MMP20: variants seen among roughly 807,000 people sequenced by gnomAD.
The protein encoded by MMP20 is matrix metallopeptidase 20.
MMP20 carries 50 observed loss-of-function variants against 51.8 expected under a neutral mutation model. The observed-to-expected ratio is 0.97, with a 90% CI of 0.77 to 1.22. The LOEUF is 1.22. Among genes scored for constraint, MMP20 ranks in the 50% most tolerant of loss-of-function variants. MMP20 has a pLI of 0.00. For synonymous variants in MMP20, 244 were observed against 216.2 expected, an observed-to-expected ratio of 1.13 and a Z score of -1.13; for missense variants, 663 against 601.4, an observed-to-expected ratio of 1.10 and a Z score of -1.07.
At chr11:102,583,000 C>A (rs1290547156) in intron 8 of MMP20, among the ~76,000 whole-genome samples, 1 of 152,178 alleles carries the variant, frequency 6.6e-6, no homozygotes, top group Non-Finnish European at 1.5e-5. Flanking sequence ...ATCTTTCCAG[C>A]CTGACTGCTC....
At chr11:102,605,286 T>A (rs1194793543) in intron 6 of MMP20, 1 of 152,140 alleles carries the variant, frequency 6.6e-6, no homozygotes, top group East Asian at 1.9e-4. Flanking sequence ...CCTCCAAAAC[T>A]GTGAGGAATA....
Position 102,616,922 on chromosome 11 carries a change from G to T in MMP20, c.264C>A (p.Asp88Glu). Residue 88 changes from aspartate (D) to glutamate (E), a missense_variant, in exon 2 of 10, where the codon GAC becomes GAA. By Grantham distance (45) the Asp-to-Glu change is conservative. Coordinates refer to ENST00000260228, the MANE Select transcript of MMP20 (RefSeq NM_004771.4). ...TCTTGATCACGTTCATTGTGGTCTG[G>T]TCTAACTTCCCGGTGACTTGGAGGC... ...FFGLQVTGKL[D>E]QTTMNVIKKP... 4 of 1,614,206 alleles carry T rather than the reference G, an allele frequency of 2.5e-6. No individual in the cohort carries two copies. Among genetic ancestry groups the T allele is most frequent in the Non-Finnish European group, 2.5e-6 (3 of 1,180,044 alleles).
At chr11:102,597,987 G>A (rs576484595) in intron 6 of MMP20, among the ~76,000 whole-genome samples, 4 of 108,548 alleles carry the variant, frequency 3.7e-5, no homozygotes, top group South Asian at 4.1e-4. Flanking sequence ...GGCTGGTCTC[G>A]AACTCCCGAC....
chr11:102,606,261 A>G (rs947316315), intron 6 of MMP20, among the ~76,000 whole-genome samples: 3 of 152,178 alleles, frequency 2.0e-5, no homozygotes, highest in Admixed American at 1.3e-4. Flanking sequence ...CACATTAGGG[A>G]TTCTAATCTC....
chr11:102,618,793 A>G (rs368512871), intron 1 of MMP20, among the ~76,000 whole-genome samples: 7 of 152,312 alleles, frequency 4.6e-5, no homozygotes, highest in East Asian at 1.9e-4. Flanking sequence ...ATTCCTTCCT[A>G]TATTCCAAAA....
intron 6 of MMP20, among the ~76,000 whole-genome samples, chr11:102,601,125 CTTTT>C (rs1168517234): frequency 3.5e-4 from 10 of 28,266 alleles, no homozygotes; most frequent in African/African-American, 1.7e-3. Flanking sequence ...GTCGGCTATT[CTTTT>C]TTTTTTTTTT....
chr11:102,616,317 T>C (rs1859669597), intron 2 of MMP20, among the ~76,000 whole-genome samples: 1 of 152,218 alleles, frequency 6.6e-6, no homozygotes, highest in Non-Finnish European at 1.5e-5. Context: ...TACAGCTGTC[T>C]GTTTGCATGT....
In MMP20 at chr11:102,606,489, G is replaced by T. The variant is rs771665975; in HGVS notation, c.953+46C>A. On this transcript the variant is annotated intron_variant, in intron 6 of 9. Transcript: ENST00000260228. Reference sequence around the variant, plus strand: ...CCTGTGGGACGACGTTTGTCTGGGAGTGGAGATGAGGCCCAATGAGAGTCG... The same window carrying T: ...CCTGTGGGACGACGTTTGTCTGGGATTGGAGATGAGGCCCAATGAGAGTCG... 3.7e-6 allele frequency: 6 copies of T among 1,612,612 alleles called. No individual in the cohort carries two copies. The Admixed American group carries it at 1.0e-4, about 27-fold the overall frequency.
At chr11:102,590,998 A>G (rs565836787) in intron 8 of MMP20, among the ~76,000 whole-genome samples, 53 of 152,352 alleles carry the variant, frequency 3.5e-4, no homozygotes, top group African/African-American at 1.3e-3. Context: ...TTTTACACAT[A>G]TGAGAAAAAC....
At chr11:102,609,448 C>A (rs983095739) in intron 4 of MMP20, among the ~76,000 whole-genome samples, 1 of 152,042 alleles carries the variant, frequency 6.6e-6, no homozygotes, top group Admixed American at 6.6e-5. Context: ...CTTAATAGTT[C>A]CCTGCTATTA....
At chr11:102,615,506 C>A (rs1287885541) in intron 2 of MMP20, among the ~76,000 whole-genome samples, 2 of 152,124 alleles carry the variant, frequency 1.3e-5, no homozygotes. Flanking sequence ...CGAGTCCAGC[C>A]TTTCCCCATC....
At chr11:102,587,869 A>G (rs560383499) in intron 8 of MMP20, among the ~76,000 whole-genome samples, 3 of 152,256 alleles carry the variant, frequency 2.0e-5, no homozygotes, top group South Asian at 2.1e-4. Context: ...GACAGCATAT[A>G]GGTGGGTCTT....
intron 2 of MMP20, among the ~76,000 whole-genome samples, chr11:102,616,409 A>G (rs985337187): frequency 1.3e-5 from 2 of 152,178 alleles, no homozygotes; most frequent in Non-Finnish European, 2.9e-5. Flanking sequence ...AATGGAATGC[A>G]TTTCTTGAAT....
Position 102,617,073 on chromosome 11 carries a change from G to C in MMP20, c.127-14C>G. The C allele has an allele frequency of 6.2e-7, 1 of 1,614,126 alleles. No individual in the cohort carries two copies. Among genetic ancestry groups the C allele is most frequent in the Admixed American group, 1.7e-5 (1 of 60,034 alleles). The stretch of plus-strand genomic sequence containing the variant: ...GTCAAGATACGCCTGAAATGGAGAG[G>C]CAGGCTGACGCGTCTACAGCGTAGT... On this transcript the variant is annotated splice_polypyrimidine_tract_variant and intron_variant, in intron 1 of 9. Transcript: ENST00000260228.
chr11:102,619,514 G>A lies in MMP20; in HGVS notation c.127-2455C>T, dbSNP rs555461460. On this transcript the variant is annotated intron_variant, in intron 1 of 9. Transcript: ENST00000260228. ...CACCAGGGCTGAGATGAGGCCAGTG[G>A]TGGGTTACCAAAAACTCCGTAATCA... Among the ~76,000 whole-genome samples the A allele has an allele frequency of 4.6e-5, 7 of 152,090 alleles. No individual in the cohort carries two copies. In the South Asian group the frequency reaches 1.3e-3, roughly 27 times the overall value.
At chr11:102,609,489 C>A (rs1286646786) in intron 4 of MMP20, among the ~76,000 whole-genome samples, 1 of 152,254 alleles carries the variant, frequency 6.6e-6, no homozygotes, top group Non-Finnish European at 1.5e-5. Flanking sequence ...ACACGTTTCA[C>A]ACTGAAGATT....
chr11:102,594,062 C>A (rs1711439), intron 7 of MMP20, among the ~76,000 whole-genome samples: 1 of 152,016 alleles, frequency 6.6e-6, no homozygotes, highest in Non-Finnish European at 1.5e-5. Flanking sequence ...TCACAACGCA[C>A]CTTCAAGGTT....
In MMP20 at chr11:102,597,799, CT is replaced by C. The variant is rs1859400109; in HGVS notation, c.954-3043del. Among the ~76,000 whole-genome samples the C allele has an allele frequency of 4.6e-5, 7 of 152,190 alleles. No individual in the cohort carries two copies. The South Asian group carries it at 1.5e-3, about 32-fold the overall frequency. ...TTCTTTTTTTTGAGATGGAGTTTCA[CT>C]CTTGTTGCCCAGGCTGGAGTGCAAT... On this transcript the variant is annotated intron_variant, in intron 6 of 9. Transcript: ENST00000260228.
chr11:102,618,883 C>T lies in MMP20; in HGVS notation c.127-1824G>A, dbSNP rs114446867. ...GTATCACTCATGTTTGGAGAGGGTA[C>T]GCTATTTTTTCACTGCAGGATCAGC... On this transcript the variant is annotated intron_variant, in intron 1 of 9. Transcript: ENST00000260228. Among the ~76,000 whole-genome samples the T allele has an allele frequency of 5.0e-3, 767 of 152,126 alleles. 7 individuals carry two copies. The highest frequency in any genetic ancestry group is 0.018 in the African/African-American group (727 of 41,472).
Sources: allele counts gnomAD v4.1 joint callset (sites outside exome capture counted in the v4.1 genomes callset), GRCh38; gene constraint gnomAD v4.1.1; transcripts MANE v1.5; gene names NCBI Gene and HGNC (gene_info 2026-07-23, HGNC 2026-07-21).